The following CTNNA3 variants were observed in gnomAD, a reference collection of about 807,000 sequenced individuals.
CTNNA3 encodes the protein catenin alpha-3.
A neutral mutation model predicts 95.7 loss-of-function variants in CTNNA3; 76 were observed. That is an observed-to-expected ratio of 0.79 (90% CI 0.66 to 0.96). The LOEUF (loss-of-function observed/expected upper bound fraction) is 0.96. Among genes scored for constraint, CTNNA3 ranks in the 40% least tolerant of loss-of-function variants. The probability of loss-of-function intolerance (pLI) is 0.00; values close to 1 mark genes in which losing one functional copy is unlikely to be tolerated. For missense variants in CTNNA3, 1,191 were observed against 1,089.8 expected (o/e 1.09, Z -1.31); for synonymous variants, 431 against 374.4 (o/e 1.15, Z -1.74).
chr10:67,689,025 A>T (rs1162342898), intron 1 of CTNNA3, among the ~76,000 whole-genome samples: 1 of 152,110 alleles, frequency 6.6e-6, no homozygotes, highest in Non-Finnish European at 1.5e-5. Context: ...GACCACAAAG[A>T]GGACCAAGAA....
chr10:67,082,480 G>A (rs1200055328), intron 7 of CTNNA3, among the ~76,000 whole-genome samples: 1 of 152,090 alleles, frequency 6.6e-6, no homozygotes, highest in Admixed American at 6.6e-5. Flanking sequence ...ATTTTGCAAA[G>A]GGCTATACTT....
intron 9 of CTNNA3, among the ~76,000 whole-genome samples, chr10:66,752,244 C>T (rs1006096862): frequency 2.0e-5 from 3 of 151,960 alleles, no homozygotes; most frequent in Non-Finnish European, 4.4e-5. Flanking sequence ...ATGGTAGACA[C>T]ATAGATCAAT....
chr10:66,341,281 A>G (rs2092450567), intron 12 of CTNNA3, among the ~76,000 whole-genome samples: 1 of 151,962 alleles, frequency 6.6e-6, no homozygotes, highest in Non-Finnish European at 1.5e-5. Flanking sequence ...ACGTTCTGAA[A>G]GTTTACTAAA....
chr10:67,164,733 A>C (rs545786244), intron 7 of CTNNA3, among the ~76,000 whole-genome samples: 16 of 152,316 alleles, frequency 1.1e-4, no homozygotes, highest in African/African-American at 3.6e-4. Flanking sequence ...GGCAAAAAAC[A>C]TGATGAGTCA....
At chr10:66,363,674 A>T (rs1450149518) in intron 12 of CTNNA3, among the ~76,000 whole-genome samples, 3 of 152,200 alleles carry the variant, frequency 2.0e-5, no homozygotes, top group Non-Finnish European at 4.4e-5. Flanking sequence ...TGGATATAAA[A>T]TTTTGTCAGA....
chr10:67,480,928 T>C (rs2133051846), intron 5 of CTNNA3, among the ~76,000 whole-genome samples: 1 of 152,282 alleles, frequency 6.6e-6, no homozygotes, highest in Non-Finnish European at 1.5e-5. Context: ...GTAAGCTTTA[T>C]TCTAGGGACG....
At position 66,920,154 on chromosome 10, in the gene CTNNA3, T is replaced by C. The variant is rs552270812; in HGVS notation, c.1048-144630A>G. Among the ~76,000 whole-genome samples, 6 of 152,310 alleles carry C rather than the reference T, an allele frequency of 3.9e-5. No individual in the cohort carries two copies. In the South Asian group the frequency reaches 1.0e-3, roughly 26 times the overall value. ...GAACCTATACAGAATCAAGGGAAAA[T>C]TAATTTTGTCATAGATACTCTGATT... On this transcript the variant is annotated intron_variant, in intron 7 of 17. Coordinates refer to ENST00000433211, the MANE Select transcript of CTNNA3 (RefSeq NM_013266.4).
intron 13 of CTNNA3, among the ~76,000 whole-genome samples, chr10:66,163,245 AT>A (rs1184837493): frequency 6.6e-6 from 1 of 151,682 alleles, no homozygotes; most frequent in African/African-American, 2.4e-5. Flanking sequence ...CCCTGTTCAA[AT>A]TTTTACAAAG....
intron 13 of CTNNA3, among the ~76,000 whole-genome samples, chr10:66,153,316 A>C (rs997566673): frequency 6.7e-6 from 1 of 150,024 alleles, no homozygotes; most frequent in Non-Finnish European, 1.5e-5. Context: ...TCTGTTAATC[A>C]TATATTTTTT....
At chr10:67,304,800 A>T (rs886998491) in intron 5 of CTNNA3, among the ~76,000 whole-genome samples, 2 of 152,096 alleles carry the variant, frequency 1.3e-5, no homozygotes, top group African/African-American at 4.8e-5. Context: ...TTAGTATTTC[A>T]TCAAGGTACA....
At chr10:66,620,962 T>A (rs1844724396) in intron 10 of CTNNA3, among the ~76,000 whole-genome samples, 1 of 152,176 alleles carries the variant, frequency 6.6e-6, no homozygotes, top group Non-Finnish European at 1.5e-5. Context: ...CTGCTTCTTC[T>A]CAGATAAGAG....
intron 11 of CTNNA3, among the ~76,000 whole-genome samples, chr10:66,436,580 T>C (rs567523695): frequency 2.3e-4 from 35 of 151,392 alleles, no homozygotes; most frequent in African/African-American, 8.5e-4. Context: ...TAGCCTTTGT[T>C]TGTCTTTGCA....
Position 66,171,721 on chromosome 10 carries a change from G to T in CTNNA3, c.1885-68472C>A, listed in dbSNP as rs567686081. On this transcript the variant is annotated intron_variant, in intron 13 of 17. Coordinates refer to ENST00000433211, the MANE Select transcript of CTNNA3 (RefSeq NM_013266.4). The stretch of plus-strand genomic sequence containing the variant: ...AGTATGGAAGAAATCGAGCAGTACT[G>T]GTTCTAATGATGGAATTAGCTGAAA... 2.0e-5 allele frequency among the ~76,000 whole-genome samples: 3 copies of T among 152,160 alleles called. No homozygotes were observed. In the South Asian group the frequency reaches 6.2e-4, roughly 32 times the overall value.
intron 1 of CTNNA3, among the ~76,000 whole-genome samples, chr10:67,721,971 C>T (rs1044218960): frequency 3.4e-4 from 51 of 152,104 alleles, no homozygotes; most frequent in African/African-American, 1.2e-3. Flanking sequence ...CTCTGCTTGC[C>T]TGGGTATCAC....
At chr10:66,289,231 C>T (rs1008040653) in intron 12 of CTNNA3, among the ~76,000 whole-genome samples, 1 of 151,326 alleles carries the variant, frequency 6.6e-6, no homozygotes, top group Non-Finnish European at 1.5e-5. Flanking sequence ...TTATTTTCCG[C>T]ATTAGCTGTA....
At chr10:66,694,062 A>C (rs555992787) in intron 9 of CTNNA3, among the ~76,000 whole-genome samples, 1 of 152,270 alleles carries the variant, frequency 6.6e-6, no homozygotes, top group South Asian at 2.1e-4. Context: ...CTAGGAAAGC[A>C]AGAGCAAACA....
intron 14 of CTNNA3, among the ~76,000 whole-genome samples, chr10:66,097,658 T>C (rs1037646938): frequency 1.3e-5 from 2 of 152,132 alleles, no homozygotes; most frequent in African/African-American, 2.4e-5. Context: ...TGCTCACCTA[T>C]TCTATTCCCC....
intron 5 of CTNNA3, among the ~76,000 whole-genome samples, chr10:67,511,318 T>C (rs779745579): frequency 3.9e-4 from 59 of 152,348 alleles, no homozygotes; most frequent in Middle Eastern, 3.4e-3. Context: ...GTCAGTATGA[T>C]ATTGGCTGTG....
chr10:67,497,084 G>C (rs10997668), intron 5 of CTNNA3, among the ~76,000 whole-genome samples: 10,945 of 151,814 alleles, frequency 0.072, 477 homozygotes, highest in South Asian at 0.14. Flanking sequence ...CCTCCCCTAG[G>C]CCCCCACCCA....
Sources: gnomAD v4.1 joint callset for allele counts (sites outside exome capture counted in the v4.1 genomes callset) on GRCh38, gnomAD v4.1.1 for gene constraint, MANE v1.5 for transcripts, NCBI Gene and HGNC (gene_info 2026-07-23, HGNC 2026-07-21) for gene names.